The following DOP1B variants were observed in gnomAD, a reference collection of about 807,000 sequenced individuals.
DOP1B encodes DOP1 leucine zipper like protein B.
DOP1B carries 174 observed loss-of-function variants against 233.5 expected under a neutral mutation model. The ratio of observed to expected loss-of-function variants is 0.75; its 90% CI spans 0.66 to 0.85. The LOEUF is 0.85. DOP1B is among the 40% of genes least tolerant of loss of function. The pLI is 0.00. For synonymous variants in DOP1B, 1,190 were observed against 1,185.6 expected (o/e 1.00, Z -0.08); for missense variants, 2,652 against 2,846.6 (o/e 0.93, Z 1.56).
intron 4 of DOP1B, among the ~76,000 whole-genome samples, chr21:36,202,676 A>G (rs1245907558): frequency 6.6e-6 from 1 of 152,246 alleles, no homozygotes; most frequent in Non-Finnish European, 1.5e-5. Flanking sequence ...AAGCTCTCAC[A>G]TAGACCAGGT....
intron 24 of DOP1B, chr21:36,261,109 A>G: frequency 2.0e-6 from 2 of 1,002,206 alleles, no homozygotes; most frequent in Non-Finnish European, 2.4e-6. Flanking sequence ...TCACACCTGC[A>G]ATCCCAGCAC....
chr21:36,179,342 C>T, intron 2 of DOP1B, among the ~76,000 whole-genome samples: 1 of 152,222 alleles, frequency 6.6e-6, no homozygotes, highest in Non-Finnish European at 1.5e-5. Context: ...AGTTCTCCCC[C>T]ATCCTCTTCA....
chr21:36,260,063 C>T (rs547670853), intron 23 of DOP1B, among the ~76,000 whole-genome samples: 8 of 150,166 alleles, frequency 5.3e-5, no homozygotes, highest in African/African-American at 1.5e-4. Context: ...GGCTGAGGCA[C>T]GAGGATCGCT....
intron 10 of DOP1B, 99 bp from the exon 11 acceptor site, chr21:36,223,132 T>C: frequency 8.0e-7 from 1 of 1,255,656 alleles, no homozygotes. Flanking sequence ...TCTCTAGAAA[T>C]AAGTTGCAGA....
intron 26 of DOP1B, among the ~76,000 whole-genome samples, chr21:36,268,224 C>G (rs1394110058): frequency 6.6e-6 from 1 of 152,142 alleles, no homozygotes; most frequent in East Asian, 1.9e-4. Flanking sequence ...TTATAGACCT[C>G]ACCCCAGGAA....
chr21:36,233,432 G>A (rs911196261), intron 15 of DOP1B, among the ~76,000 whole-genome samples: 2 of 152,194 alleles, frequency 1.3e-5, no homozygotes, highest in African/African-American at 4.8e-5. Context: ...TGACGTGCTG[G>A]TGGCCTGCCC....
chr21:36,232,588 G>C (rs1203709503), intron 14 of DOP1B, among the ~76,000 whole-genome samples: 1 of 152,072 alleles, frequency 6.6e-6, no homozygotes, highest in East Asian at 1.9e-4. Flanking sequence ...AGTCATATTG[G>C]ATTAGGGCCC....
chr21:36,283,638 G>A (rs1167251278), intron 32 of DOP1B, among the ~76,000 whole-genome samples: 2 of 152,156 alleles, frequency 1.3e-5, no homozygotes, highest in African/African-American at 4.8e-5. Context: ...CGGTAACCAG[G>A]AGCACCAGTA....
chr21:36,207,190 C>CTT (rs538192155), intron 4 of DOP1B, among the ~76,000 whole-genome samples: 3 of 135,982 alleles, frequency 2.2e-5, no homozygotes, highest in Non-Finnish European at 3.2e-5. Flanking sequence ...TTTTTCTTTT[C>CTT]TTTTTTTTTT....
intron 2 of DOP1B, among the ~76,000 whole-genome samples, chr21:36,184,776 G>T (rs1336737980): frequency 1.3e-5 from 2 of 152,236 alleles, no homozygotes; most frequent in African/African-American, 4.8e-5. Flanking sequence ...AGGCTCTGCG[G>T]GCTGCGGGGA....
intron 12 of DOP1B, 50 bp downstream of exon 12, chr21:36,225,717 T>TA: frequency 6.3e-7 from 1 of 1,578,400 alleles, no homozygotes; most frequent in East Asian, 2.2e-5. Context: ...TTTACATTCT[T>TA]ACTGGTGGTG....
At position 36,199,268 on chromosome 21, in the gene DOP1B, G is replaced by C; in HGVS notation, c.320+17G>C. On this transcript the variant is annotated intron_variant, in intron 3 of 36. Transcript: ENST00000691173. ...TCTGTACAGGTGCGATTGCTTCTCTGCTGTGTTCCTTTTTATTACCCAAGT... is the reference window on the plus strand; with the variant it reads ...TCTGTACAGGTGCGATTGCTTCTCTCCTGTGTTCCTTTTTATTACCCAAGT... 6.3e-7 allele frequency: 1 copy of C among 1,594,376 alleles called. No homozygotes were observed. Among genetic ancestry groups the C allele is most frequent in the Non-Finnish European group, 8.5e-7 (1 of 1,171,828 alleles).
At chr21:36,241,618 C>G (rs536173813) in intron 18 of DOP1B, among the ~76,000 whole-genome samples, 124 of 147,920 alleles carry the variant, frequency 8.4e-4, no homozygotes, top group African/African-American at 3.0e-3. Context: ...AAGTGATTCT[C>G]CTGCCTCAGC....
chr21:36,285,105 G>A (rs193221103), intron 32 of DOP1B, among the ~76,000 whole-genome samples: 1 of 152,244 alleles, frequency 6.6e-6, no homozygotes, highest in African/African-American at 2.4e-5. Flanking sequence ...TGTTGCCCAG[G>A]CTGGAGTGCA....
chr21:36,192,936 C>T (rs2066250037), intron 2 of DOP1B, among the ~76,000 whole-genome samples: 1 of 151,778 alleles, frequency 6.6e-6, no homozygotes, highest in South Asian at 2.1e-4. Flanking sequence ...GATCTGCCCA[C>T]CTTGGCCTCC....
At chr21:36,200,659 C>T (rs2066353342) in intron 4 of DOP1B, among the ~76,000 whole-genome samples, 158 bp downstream of exon 4, 1 of 152,060 alleles carries the variant, frequency 6.6e-6, no homozygotes, top group Non-Finnish European at 1.5e-5. Flanking sequence ...CTGGCTAACA[C>T]GATGAAACCC....
chr21:36,291,553 G>A (rs2067560097), intron 35 of DOP1B, among the ~76,000 whole-genome samples: 1 of 152,098 alleles, frequency 6.6e-6, no homozygotes, highest in Non-Finnish European at 1.5e-5. Flanking sequence ...GAACGAGACT[G>A]TCTCAAAAAA....
chr21:36,169,612 C>T, intron 2 of DOP1B: 1 of 958,710 alleles, frequency 1.0e-6, no homozygotes, highest in East Asian at 2.4e-5. Context: ...GCTTCTCAGC[C>T]ATGGTGCCTC....
intron 7 of DOP1B, among the ~76,000 whole-genome samples, 182 bp from the exon 8 acceptor site, chr21:36,213,899 T>G (rs1276160737): frequency 6.6e-6 from 1 of 152,102 alleles, no homozygotes; most frequent in Non-Finnish European, 1.5e-5. Context: ...ATTCTGCCTG[T>G]CTGATCATTA....
Sources: gnomAD v4.1 joint callset for allele counts (sites outside exome capture counted in the v4.1 genomes callset) on GRCh38, gnomAD v4.1.1 for gene constraint, MANE v1.5 for transcripts, NCBI Gene and HGNC (gene_info 2026-07-23, HGNC 2026-07-21) for gene names.